Variants in GTSF1 observed in about 807,000 individuals in gnomAD.
GTSF1 encodes gametocyte specific factor 1.
In GTSF1, 11 loss-of-function variants were observed where a neutral mutation model predicts 28.9. That is an observed-to-expected ratio of 0.38 (90% CI 0.24 to 0.63). GTSF1 has a LOEUF of 0.63. Among genes scored for constraint, GTSF1 ranks in the 30% least tolerant of loss-of-function variants. The pLI, the probability that GTSF1 is intolerant of heterozygous loss-of-function variation, is 0.56. For synonymous variants in GTSF1, 69 were observed against 65.6 expected (o/e 1.05, Z -0.25); for missense variants, 146 against 201.0 (o/e 0.73, Z 1.66).
At chr12:54,473,092 C>T (rs1306808948) in intron 1 of GTSF1, among the ~76,000 whole-genome samples, 3 of 152,030 alleles carry the variant, frequency 2.0e-5, no homozygotes, top group Admixed American at 6.6e-5. Context: ...AAGTATCTTC[C>T]GCATCAAACT....
chr12:54,469,292 T>C (rs1021324314), intron 2 of GTSF1, among the ~76,000 whole-genome samples: 1 of 152,110 alleles, frequency 6.6e-6, no homozygotes, highest in Non-Finnish European at 1.5e-5. Context: ...TTGGGCAGGA[T>C]GGTCTTGATC....
chr12:54,473,249 A>G (rs1407274914), intron 1 of GTSF1, among the ~76,000 whole-genome samples: 2 of 152,136 alleles, frequency 1.3e-5, no homozygotes, highest in Non-Finnish European at 2.9e-5. Flanking sequence ...TAAAAGAATC[A>G]TTTTTCTTCC....
chr12:54,470,733 A>G (rs1394789367), intron 2 of GTSF1, among the ~76,000 whole-genome samples: 1 of 152,194 alleles, frequency 6.6e-6, no homozygotes, highest in Non-Finnish European at 1.5e-5. Flanking sequence ...CAAAATAATT[A>G]ATCTAGGTTC....
Position 54,459,484 on chromosome 12 carries a change from A to G in GTSF1, c.488-359T>C, listed in dbSNP as rs570937000. The G allele has an allele frequency of 1.5e-5, 20 of 1,293,306 alleles. No individual in the cohort carries two copies. In the African/African-American group the frequency reaches 3.0e-4, roughly 19 times the overall value. The allele number at this position is 1,293,306 out of a possible 1,614,324, so 80.1% of individuals were successfully genotyped here. A position where few individuals can be genotyped will look rare whatever the true frequency, so the allele number is the denominator to read the frequency against. On this transcript the variant is annotated intron_variant, in intron 7 of 8. Transcript: ENST00000305879. The stretch of plus-strand genomic sequence containing the variant: ...GGCAACATTGGAAAAGAAAGTTTGT[A>G]TTAAGTAAAAATGACAGTATCTTGG...
chr12:54,459,181 T>G (rs1270287889), intron 7 of GTSF1, 56 bp from the exon 8 acceptor site: 5 of 1,536,284 alleles, frequency 3.3e-6, no homozygotes, highest in Non-Finnish European at 4.5e-6. Context: ...ATTCACTCCA[T>G]CCCCTATTCT....
In GTSF1 at chr12:54,468,183, G is replaced by A. The variant is rs149748681; in HGVS notation, c.17-3016C>T. Among the ~76,000 whole-genome samples the A allele has an allele frequency of 4.9e-3, 743 of 152,262 alleles. 20 individuals are homozygous for A. The highest frequency in any genetic ancestry group is 0.043 in the Admixed American group (664 of 15,312). The stretch of plus-strand genomic sequence containing the variant: ...TGCTCTGTTGCCCAGGCTGGACAGT[G>A]CAGTGGTGCGATCTTGGCTCATTGC... On this transcript the variant is annotated intron_variant, in intron 2 of 8. Coordinates refer to ENST00000305879, the MANE Select transcript of GTSF1 (RefSeq NM_144594.3).
chr12:54,460,236 A>C (rs1592316195), intron 7 of GTSF1, 141 bp downstream of exon 7: 2 of 611,418 alleles, frequency 3.3e-6, no homozygotes, highest in Non-Finnish European at 5.8e-6. Context: ...TAAGGTGCTT[A>C]GGGCATAACA....
chr12:54,463,616 C>T (rs1195547863), intron 3 of GTSF1, among the ~76,000 whole-genome samples: 1 of 152,182 alleles, frequency 6.6e-6, no homozygotes, highest in East Asian at 1.9e-4. Flanking sequence ...CTCAGAGTCA[C>T]ATGATTCAGG....
intron 1 of GTSF1, among the ~76,000 whole-genome samples, chr12:54,471,601 T>C (rs1956595061): frequency 6.6e-6 from 1 of 152,202 alleles, no homozygotes; most frequent in African/African-American, 2.4e-5. Flanking sequence ...CTTAAGTGCC[T>C]GTCACTGTTT....
intron 2 of GTSF1, among the ~76,000 whole-genome samples, chr12:54,465,771 C>A (rs1247214296): frequency 6.6e-6 from 1 of 152,060 alleles, no homozygotes; most frequent in Non-Finnish European, 1.5e-5. Flanking sequence ...TGCCCTATAT[C>A]AGTTATATGT....
chr12:54,466,857 C>G (rs900347380), intron 2 of GTSF1: 9 of 138,376 alleles, frequency 6.5e-5, no homozygotes, highest in African/African-American at 2.4e-4. Context: ...ATTCTGTTGC[C>G]CAGGCTGGAG....
intron 4 of GTSF1, 74 bp downstream of exon 4, chr12:54,463,097 C>G: frequency 6.8e-7 from 1 of 1,479,234 alleles, no homozygotes; most frequent in Non-Finnish European, 9.2e-7. Flanking sequence ...AAAAATCAAG[C>G]TGACAATCTA....
intron 1 of GTSF1, among the ~76,000 whole-genome samples, chr12:54,473,169 G>A (rs1455129017): frequency 2.0e-5 from 3 of 151,946 alleles, no homozygotes; most frequent in Non-Finnish European, 4.4e-5. Flanking sequence ...TACGCCGGAA[G>A]CAATCAAGTT....
intron 2 of GTSF1, among the ~76,000 whole-genome samples, chr12:54,469,693 A>C (rs1956570691): frequency 6.7e-6 from 1 of 150,176 alleles, no homozygotes; most frequent in East Asian, 2.0e-4. Context: ...TTCTCAAAAA[A>C]AAAAAAAAAA....
intron 6 of GTSF1, 93 bp from the exon 7 acceptor site, chr12:54,460,564 G>A: frequency 2.5e-6 from 2 of 789,272 alleles, no homozygotes; most frequent in Non-Finnish European, 2.1e-6. Context: ...GTAATTTGGG[G>A]AAAAACAACA....
chr12:54,466,783 T>A (rs2120780458), intron 2 of GTSF1: 1 of 151,680 alleles, frequency 6.6e-6, no homozygotes, highest in South Asian at 2.1e-4. Context: ...AACCTGGCTT[T>A]CTAGATTAAA....
intron 8 of GTSF1, among the ~76,000 whole-genome samples, chr12:54,458,618 C>G (rs569582822): frequency 3.3e-5 from 5 of 152,146 alleles, no homozygotes; most frequent in Admixed American, 6.5e-5. Context: ...ATGGTCTGCC[C>G]GCCTTGGTCT....
At chr12:54,469,831 C>G (rs543771201) in intron 2 of GTSF1, among the ~76,000 whole-genome samples, 4 of 151,604 alleles carry the variant, frequency 2.6e-5, no homozygotes, top group African/African-American at 9.7e-5. Context: ...TGGGATTACA[C>G]GCATGAGCCA....
chr12:54,462,199 G>A (rs777519637), intron 5 of GTSF1, 27 bp from the exon 6 acceptor site: 1 of 1,544,490 alleles, frequency 6.5e-7, no homozygotes, highest in Non-Finnish European at 9.0e-7. Context: ...AACATAGTTT[G>A]TGGTACTACT....
Sources: gnomAD v4.1 joint callset for allele counts (sites outside exome capture counted in the v4.1 genomes callset) on GRCh38, gnomAD v4.1.1 for gene constraint, MANE v1.5 for transcripts, NCBI Gene and HGNC (gene_info 2026-07-23, HGNC 2026-07-21) for gene names.